Variants in PTPRN observed in about 807,000 individuals in gnomAD.
PTPRN encodes the protein receptor-type tyrosine-protein phosphatase-like N.
In PTPRN, 70 loss-of-function variants were observed where a neutral mutation model predicts 108.5. The ratio of observed to expected loss-of-function variants is 0.65; its 90% CI spans 0.53 to 0.79. The LOEUF (loss-of-function observed/expected upper bound fraction) is 0.79, where lower values mean the gene tolerates loss of function less well. PTPRN is among the 30% of genes least tolerant of loss of function. The pLI, the probability that PTPRN is intolerant of heterozygous loss-of-function variation, is 0.00. For synonymous variants in PTPRN, 496 were observed against 524.6 expected, an observed-to-expected ratio of 0.95 and a Z score of 0.75; for missense variants, 1,136 against 1,295.5, an observed-to-expected ratio of 0.88 and a Z score of 1.89.
In PTPRN at chr2:219,298,121, G is replaced by T; in HGVS notation, c.1669-18C>A. ...TCCTCCCTCTGTGGGAACAAGGCTA[G>T]AATCAAGGGAGGCAGTGGCATAGGG... On this transcript the variant is annotated intron_variant, in intron 12 of 22. Coordinates refer to ENST00000295718, the MANE Select transcript of PTPRN (RefSeq NM_002846.4). 1 of 1,606,424 alleles carries T rather than the reference G, an allele frequency of 6.2e-7. No individual in the cohort carries two copies.
chr2:219,298,844 G>A (rs969938008), intron 12 of PTPRN, among the ~76,000 whole-genome samples: 2 of 152,274 alleles, frequency 1.3e-5, no homozygotes, highest in African/African-American at 4.8e-5. Context: ...ACAGAGGGCT[G>A]GTCCTGCAGG....
At position 219,309,297 on chromosome 2, in the gene PTPRN, TC is replaced by T; in HGVS notation, c.35del (p.Gly12AspfsTer14). 1 of 1,517,764 alleles carries T rather than the reference TC, an allele frequency of 6.6e-7. No individual in the cohort carries two copies. Among genetic ancestry groups the T allele is most frequent in the Non-Finnish European group, 8.8e-7 (1 of 1,137,184 alleles). The allele number at this position is 1,517,764 out of a possible 1,614,324, so 94.0% of individuals were successfully genotyped here. A position where few individuals can be genotyped will look rare whatever the true frequency, so the allele number is the denominator to read the frequency against. On this transcript the variant is annotated frameshift_variant, in exon 1 of 23. Coordinates refer to ENST00000295718, the MANE Select transcript of PTPRN (RefSeq NM_002846.4). LOFTEE classifies it high-confidence loss of function. The stretch of plus-strand genomic sequence containing the variant: ...AGAGGAGCAGCCGGAGACCCCCGGA[TC>T]CCCCGAGACCCCCAGGCCGCCGCGG... ...RRPRRPGGLG[G>X]SGGLRLLLCL...
chr2:219,297,748 G>T lies in PTPRN; in HGVS notation c.1887+137C>A, dbSNP rs78413099. ...CCCTACCATACTCCCTCCCACTGGG[G>T]CTTCTCCAGCCTCCACTGGACCTTC... On this transcript the variant is annotated intron_variant, in intron 13 of 22. Transcript: ENST00000295718. This position sits in a 1 kb window ranked among gnomAD's most constrained non-coding sequence, Gnocchi z 6.0. 3.2e-3 allele frequency: 3,387 copies of T among 1,044,692 alleles called. 85 individuals are homozygous for T. In the African/African-American group the frequency reaches 0.048, roughly 15 times the overall value. 64.7% of individuals were successfully genotyped at this position (1,044,692 alleles called of 1,614,324 possible).
rs545038681 is a variant in PTPRN, at chr2:219,307,478, G to A, written c.246C>T (p.Arg82=). The change falls in exon 3 of 23, where the codon CGC becomes CGT. Residue 82 remains arginine (R), a synonymous_variant. Coordinates refer to ENST00000295718, the MANE Select transcript of PTPRN (RefSeq NM_002846.4). Reference sequence around the variant, plus strand: ...TGAGTTGTCGGAGCACACCTTGTAAGCGTTGGAGAACTGGGGAGGTGACTT... The same window carrying A: ...TGAGTTGTCGGAGCACACCTTGTAAACGTTGGAGAACTGGGGAGGTGACTT... ...LLQVTSPVLQ[R]LQGVLRQLMS... 6.2e-7 allele frequency: 1 copy of A among 1,614,174 alleles called. No individual in the cohort carries two copies. Among genetic ancestry groups the A allele is most frequent in the African/African-American group, 1.3e-5 (1 of 75,038 alleles).
chr2:219,299,414 C>A, intron 10 of PTPRN, 30 bp from the exon 11 acceptor site: 1 of 1,606,350 alleles, frequency 6.2e-7, no homozygotes, highest in South Asian at 1.1e-5. Context: ...TTACTGCCTT[C>A]TCCACCCCAG....
Position 219,299,709 on chromosome 2 carries a change from A to G in PTPRN, c.1514T>C (p.Ile505Thr), listed in dbSNP as rs1274984900. The change falls in exon 10 of 23, where the codon ATC (isoleucine) becomes ACC (threonine). Residue 505 changes from isoleucine to threonine, a missense_variant. Physicochemically the swap from Ile to Thr is moderately conservative, Grantham distance 89. Coordinates refer to ENST00000295718, the MANE Select transcript of PTPRN (RefSeq NM_002846.4). ...EHVHMSSGSF[I>T]NISVVGPALT... ...AAGATGCCAGCCCCACCTGATGTTG[A>G]TGAAGCTGCCTGAGGACATGTGCAC... The G allele has an allele frequency of 6.3e-7, 1 of 1,598,520 alleles. No individual in the cohort carries two copies. The highest frequency in any genetic ancestry group is 8.6e-7 in the Non-Finnish European group (1 of 1,168,868).
chr2:219,299,497 A>T, intron 10 of PTPRN, 113 bp from the exon 11 acceptor site: 1 of 1,319,534 alleles, frequency 7.6e-7, no homozygotes, highest in South Asian at 1.2e-5. Flanking sequence ...CAGATCGGGG[A>T]TGCCCTACAG....
rs1458819140 is a variant in PTPRN, at chr2:219,301,586, A to G, written c.1126+2T>C. 5.6e-6 allele frequency: 9 copies of G among 1,604,794 alleles called. No individual in the cohort carries two copies. ...GGTCCCTCCCTCTGCCTGGACACTT[A>G]CCCGGATTTCTTCCTGCACCCTTGG... On this transcript the variant is annotated splice_donor_variant, in intron 7 of 22. Transcript: ENST00000295718. LOFTEE classifies it high-confidence loss of function.
chr2:219,301,990 A>G (rs1486968957), intron 6 of PTPRN, 147 bp downstream of exon 6: 6 of 858,710 alleles, frequency 7.0e-6, no homozygotes, highest in African/African-American at 6.8e-5. Flanking sequence ...AGTGCCTGGC[A>G]TAGAACAGCT....
Position 219,295,127 on chromosome 2 carries a change from C to CGACACCAGGT in PTPRN, c.2513_2522dup (p.Glu842ProfsTer73). The CGACACCAGGT allele has an allele frequency of 6.2e-7, 1 of 1,610,706 alleles. No homozygotes were observed. The highest frequency in any genetic ancestry group is 8.5e-7 in the Non-Finnish European group (1 of 1,178,504). On this transcript the variant is annotated frameshift_variant, in exon 19 of 23. Coordinates refer to ENST00000295718, the MANE Select transcript of PTPRN (RefSeq NM_002846.4). LOFTEE classifies it high-confidence loss of function. ...GAAAGTCCTCGCACCAGATGTGCTC[C>CGACACCAGGT]GACACCAGGTTCACCTGCCCGGCAG...
At chr2:219,303,876 A>T in intron 3 of PTPRN, 45 bp from the exon 4 acceptor site, 1 of 1,490,102 alleles carries the variant, frequency 6.7e-7, no homozygotes, top group South Asian at 1.2e-5. Context: ...GAGTCTGGGG[A>T]TCCAGTAACG....
chr2:219,308,009 A>G (rs2292601), intron 1 of PTPRN, 167 bp from the exon 2 acceptor site: 59,272 of 646,128 alleles, frequency 0.092, 3,010 homozygotes, highest in South Asian at 0.12. Flanking sequence ...CTTAAAAGGA[A>G]GCATGGGATC....
chr2:219,290,228 A>C lies in PTPRN; in HGVS notation c.2938T>G (p.Ter980GlyextTer84). The C allele has an allele frequency of 6.2e-7, 1 of 1,613,776 alleles. No homozygotes were observed. ...GCCCGCCAAGGGGCCCCAGGGTCTC[A>C]CTGGGGCAGGGCCTTGAGGATGGCA... ...VNAILKALPQ[*>G] The change falls in exon 23 of 23, where the codon TGA becomes GGA. Residue 980 changes from the stop codon to glycine, a stop_lost. Transcript: ENST00000295718. The surrounding 1 kb of genome is among the most constrained non-coding windows in gnomAD (Gnocchi z 4.2).
rs1952569597 is a variant in PTPRN at position 219,309,323 on chromosome 2, G to A, written c.10C>T (p.Pro4Ser). Reference protein sequence around the residue: MRRPRRPGGLGGSG... With the variant: MRRSRRPGGLGGSG... ...CCCCCGAGACCCCCAGGCCGCCGCG[G>A]GCGCCGCATCTTTCCGAGCTCCGGG... is the stretch of plus-strand genomic sequence containing the variant. The change falls in exon 1 of 23, where the codon CCG (proline) becomes TCG (serine). Residue 4 changes from proline (P) to serine (S), a missense_variant. Transcript: ENST00000295718. 2 of 1,472,710 alleles carry A rather than the reference G, an allele frequency of 1.4e-6. No homozygotes were observed. Among genetic ancestry groups the A allele is most frequent in the Admixed American group, 2.4e-5 (1 of 42,136 alleles). The allele number at this position is 1,472,710 out of a possible 1,614,324, so 91.2% of individuals were successfully genotyped here.
rs1267993356 is a variant in PTPRN, at chr2:219,302,774, A to G, written c.441T>C (p.Thr147=). 2.5e-6 allele frequency: 4 copies of G among 1,613,784 alleles called. No individual in the cohort carries two copies. Among genetic ancestry groups the G allele is most frequent in the Non-Finnish European group, 3.4e-6 (4 of 1,179,902 alleles). Residue 147 remains threonine (T), a synonymous_variant, in exon 5 of 23, where the codon ACT becomes ACC. Coordinates refer to ENST00000295718, the MANE Select transcript of PTPRN (RefSeq NM_002846.4). ...AGELLLQDIP[T]GSAPAAQHRL... is the part of the protein sequence containing the mutation. ...GATGCTGGGCAGCAGGGGCGGAGCC[A>G]GTGGGGATGTCCTGTAAAAGCAGCT...
Position 219,309,287 on chromosome 2 carries a change from G to C in PTPRN, c.46C>G (p.Leu16Val). 3 of 1,530,604 alleles carry C rather than the reference G, an allele frequency of 2.0e-6. No individual in the cohort carries two copies. Among genetic ancestry groups the C allele is most frequent in the Non-Finnish European group, 2.6e-6 (3 of 1,143,340 alleles). 94.8% of individuals were successfully genotyped at this position (1,530,604 alleles called of 1,614,324 possible). ...RPGGLGGSGG[L>V]RLLLCLLLLS... ...AGCAGGAGGCAGAGGAGCAGCCGGA[G>C]ACCCCCGGATCCCCCGAGACCCCCA... The change falls in exon 1 of 23, where the codon CTC becomes GTC. Residue 16 changes from leucine (L) to valine (V), a missense_variant. By Grantham distance (32) the Leu-to-Val change is conservative. Transcript: ENST00000295718.
chr2:219,298,134 C>T, intron 12 of PTPRN, 31 bp from the exon 13 acceptor site: 1 of 1,600,078 alleles, frequency 6.2e-7, no homozygotes, highest in South Asian at 1.1e-5. Context: ...TCAAGGGAGG[C>T]AGTGGCATAG....
chr2:219,296,000 A>G, intron 18 of PTPRN: 1 of 589,780 alleles, frequency 1.7e-6, no homozygotes, highest in Non-Finnish European at 2.9e-6. Flanking sequence ...ACACACACAC[A>G]CACATGTATG....
chr2:219,300,298 G>A (rs747017416), intron 8 of PTPRN, 39 bp from the exon 9 acceptor site: 73 of 1,512,950 alleles, frequency 4.8e-5, no homozygotes, highest in Non-Finnish European at 6.2e-5. Context: ...TCTGGACAGT[G>A]CTGGGGGAAG....
Sources: gnomAD v4.1 joint callset for allele counts (sites outside exome capture counted in the v4.1 genomes callset) on GRCh38, gnomAD v4.1.1 for gene constraint, Gnocchi (gnomAD v3.1) non-coding constraint, MANE v1.5 for transcripts, NCBI Gene and HGNC (gene_info 2026-07-23, HGNC 2026-07-21) for gene names.